The following AUTS2 variants were observed in gnomAD, a reference collection of about 807,000 sequenced individuals.
AUTS2 encodes the protein activator of transcription and developmental regulator AUTS2.
Under a neutral mutation model 112.4 loss-of-function variants are expected in AUTS2, and 17 were observed. That is an observed-to-expected ratio of 0.15 (90% confidence interval 0.10 to 0.23). The LOEUF (loss-of-function observed/expected upper bound fraction) is 0.23. AUTS2 is among the 10% of genes least tolerant of loss of function. The pLI is 1.00. For missense variants in AUTS2, 1,510 were observed against 1,701.6 expected, an observed-to-expected ratio of 0.89 and a Z score of 1.98; for synonymous variants, 751 against 702.7, an observed-to-expected ratio of 1.07 and a Z score of -1.09.
intron 4 of AUTS2, among the ~76,000 whole-genome samples, chr7:70,382,802 A>T (rs543547476): frequency 6.6e-6 from 1 of 152,286 alleles, no homozygotes; most frequent in South Asian, 2.1e-4. Context: ...ACTGCATTGC[A>T]TTATGGTCAT....
intron 6 of AUTS2, among the ~76,000 whole-genome samples, chr7:70,717,202 C>T (rs1176637650): frequency 6.6e-6 from 1 of 151,832 alleles, no homozygotes; most frequent in East Asian, 1.9e-4. Flanking sequence ...CGTGCCACCA[C>T]ACCTGGCTAA....
intron 2 of AUTS2, among the ~76,000 whole-genome samples, chr7:70,073,613 G>A (rs941686118): frequency 6.6e-6 from 1 of 151,968 alleles, no homozygotes; most frequent in Non-Finnish European, 1.5e-5. Context: ...TGTATTATTG[G>A]CAGATTACTT....
At chr7:70,243,140 A>G (rs1812711859) in intron 4 of AUTS2, among the ~76,000 whole-genome samples, 1 of 152,052 alleles carries the variant, frequency 6.6e-6, no homozygotes. Flanking sequence ...CTTGAAAACA[A>G]CTATGCTGGC....
Position 70,143,040 on chromosome 7 carries a change from T to C in AUTS2, c.660+8469T>C, listed in dbSNP as rs145513713. Among the ~76,000 whole-genome samples the C allele has an allele frequency of 2.0e-5, 3 of 152,286 alleles. 1 individual carries two copies. The East Asian group carries it at 5.8e-4, about 29-fold the overall frequency. On this transcript the variant is annotated intron_variant, in intron 4 of 18. Transcript: ENST00000342771. ...GAACTCACTCCTTTGCTTAACTACT[T>C]AAAAAATATTTTTGCTGAAATTGTA... is the stretch of plus-strand genomic sequence containing the variant.
chr7:70,334,840 A>G (rs1264764005), intron 4 of AUTS2, among the ~76,000 whole-genome samples: 1 of 152,174 alleles, frequency 6.6e-6, no homozygotes, highest in Non-Finnish European at 1.5e-5. Flanking sequence ...AGGTGAGCCA[A>G]CTTTTTTGTT....
chr7:70,434,310 C>T (rs1236058120), intron 4 of AUTS2, among the ~76,000 whole-genome samples: 1 of 152,166 alleles, frequency 6.6e-6, no homozygotes, highest in Admixed American at 6.5e-5. Flanking sequence ...CATTTTTAAC[C>T]TCAAAGTGTC....
intron 11 of AUTS2, among the ~76,000 whole-genome samples, chr7:70,773,592 G>A (rs1444677768): frequency 6.6e-6 from 1 of 152,194 alleles, no homozygotes; most frequent in African/African-American, 2.4e-5. Context: ...TGTCTGTAAA[G>A]TACTTCCAGT....
intron 4 of AUTS2, among the ~76,000 whole-genome samples, chr7:70,140,182 T>G (rs1475424437): frequency 6.6e-6 from 1 of 152,132 alleles, no homozygotes; most frequent in Non-Finnish European, 1.5e-5. Flanking sequence ...CAGATTCAGG[T>G]TTGGATTTTG....
Position 70,771,660 on chromosome 7 carries a change from G to A in AUTS2, c.1830+16G>A. On this transcript the variant is annotated intron_variant, in intron 11 of 18. Transcript: ENST00000342771. ...TCAGCCGAAGGTAAGAAACCTCACAGTGAAAACACACAGGCATGTGTCTAA... is the reference window on the plus strand; with the variant it reads ...TCAGCCGAAGGTAAGAAACCTCACAATGAAAACACACAGGCATGTGTCTAA... The A allele has an allele frequency of 1.9e-6, 3 of 1,608,438 alleles. No individual in the cohort carries two copies. The highest frequency in any genetic ancestry group is 1.1e-5 in the South Asian group (1 of 90,856).
intron 5 of AUTS2, among the ~76,000 whole-genome samples, chr7:70,637,427 A>G (rs1181543758): frequency 6.6e-6 from 1 of 152,220 alleles, no homozygotes. Flanking sequence ...ATTCAAAGTA[A>G]GGGACACAGA....
chr7:69,952,820 T>C (rs1389843665), intron 2 of AUTS2, among the ~76,000 whole-genome samples: 1 of 152,174 alleles, frequency 6.6e-6, no homozygotes, highest in East Asian at 1.9e-4. Flanking sequence ...AACTCATATA[T>C]CTTCATATAG....
At position 69,677,753 on chromosome 7, in the gene AUTS2, A is replaced by G. The variant is rs373935038; in HGVS notation, c.309+77791A>G. 7.2e-5 allele frequency among the ~76,000 whole-genome samples: 11 copies of G among 152,338 alleles called. 1 individual carries two copies. In the East Asian group the frequency reaches 1.2e-3, roughly 16 times the overall value. On this transcript the variant is annotated intron_variant, in intron 1 of 18. Transcript: ENST00000342771. ...TCCTCTAGGTTAAATGTACTAGGCC[A>G]TCTGTTGTTAATTTTGTAGTTGTAT...
intron 1 of AUTS2, among the ~76,000 whole-genome samples, chr7:69,619,360 G>A (rs1340517216): frequency 6.6e-6 from 1 of 152,162 alleles, no homozygotes; most frequent in Non-Finnish European, 1.5e-5. Context: ...AAGTGTTTGA[G>A]ATGAGTGAAA....
intron 1 of AUTS2, among the ~76,000 whole-genome samples, chr7:69,826,073 C>T (rs975166393): frequency 4.1e-4 from 62 of 152,084 alleles, no homozygotes; most frequent in Non-Finnish European, 9.0e-4. Context: ...TTAGGTAGCC[C>T]ATATTGAATC....
At chr7:70,360,923 C>A (rs1014038532) in intron 4 of AUTS2, among the ~76,000 whole-genome samples, 1 of 152,216 alleles carries the variant, frequency 6.6e-6, no homozygotes, top group Non-Finnish European at 1.5e-5. Flanking sequence ...AAAGTCCTCT[C>A]TCTATAAGCC....
At chr7:69,958,325 A>G (rs1445532546) in intron 2 of AUTS2, among the ~76,000 whole-genome samples, 2 of 152,070 alleles carry the variant, frequency 1.3e-5, no homozygotes, top group Admixed American at 6.6e-5. Context: ...AACCTAAAGT[A>G]TTTACTTTCT....
intron 6 of AUTS2, among the ~76,000 whole-genome samples, chr7:70,731,803 C>T (rs1787418151): frequency 6.6e-6 from 1 of 151,966 alleles, no homozygotes; most frequent in South Asian, 2.1e-4. Context: ...CCCTTCCCCT[C>T]CGCCATCCCC....
At chr7:70,120,510 G>A (rs1805627969) in intron 3 of AUTS2, 1 of 152,088 alleles carries the variant, frequency 6.6e-6, no homozygotes, top group Admixed American at 6.6e-5. Context: ...AATAATTAAT[G>A]TTTAAATAGC....
intron 1 of AUTS2, among the ~76,000 whole-genome samples, chr7:69,766,732 C>G (rs1788438267): frequency 6.6e-6 from 1 of 152,120 alleles, no homozygotes; most frequent in Non-Finnish European, 1.5e-5. Context: ...TCATTAGATT[C>G]AACGAACAAT....
Sources: allele counts gnomAD v4.1 joint callset (sites outside exome capture counted in the v4.1 genomes callset), GRCh38; gene constraint gnomAD v4.1.1; transcripts MANE v1.5; gene names NCBI Gene and HGNC (gene_info 2026-07-23, HGNC 2026-07-21).